UNC5D: variants seen among roughly 807,000 people sequenced by gnomAD.
UNC5D encodes unc-5 netrin receptor D, also known as netrin receptor UNC5D.
UNC5D carries 39 observed loss-of-function variants against 105.4 expected under a neutral mutation model. The observed-to-expected ratio is 0.37, with a 90% confidence interval of 0.29 to 0.48. The LOEUF (loss-of-function observed/expected upper bound fraction) is 0.48. Among genes scored for constraint, UNC5D ranks in the 20% least tolerant of loss-of-function variants. The pLI is 0.98. For synonymous variants in UNC5D, 452 were observed against 450.4 expected (o/e 1.00, Z -0.04); for missense variants, 991 against 1,202.4 (o/e 0.82, Z 2.60).
chr8:35,321,554 T>C lies in UNC5D; in HGVS notation c.103+85667T>C, dbSNP rs149420522. Reference sequence around the variant, plus strand: ...AGTTTCATGAGGCCTTCACCAGCCATGTGGAACTGTGAGTCTATTAAACCT... The same window carrying C: ...AGTTTCATGAGGCCTTCACCAGCCACGTGGAACTGTGAGTCTATTAAACCT... On this transcript the variant is annotated intron_variant, in intron 1 of 16. Transcript: ENST00000404895. 2.7e-3 allele frequency among the ~76,000 whole-genome samples: 413 copies of C among 152,264 alleles called. 1 individual carries two copies. The highest frequency in any genetic ancestry group is 6.8e-3 in the Middle Eastern group (2 of 294).
At chr8:35,484,765 G>A (rs1424483253) in intron 1 of UNC5D, among the ~76,000 whole-genome samples, 4 of 152,030 alleles carry the variant, frequency 2.6e-5, no homozygotes, top group Admixed American at 6.6e-5. Context: ...TACTATCTGC[G>A]GCCGCTATAC....
chr8:35,524,640 C>CAAA (rs113548648), intron 1 of UNC5D, among the ~76,000 whole-genome samples: 3 of 71,128 alleles, frequency 4.2e-5, no homozygotes, highest in African/African-American at 1.1e-4. Flanking sequence ...ATGCCCTGTG[C>CAAA]AAAAAAAAAA....
At chr8:35,582,321 G>C (rs1488794273) in intron 3 of UNC5D, among the ~76,000 whole-genome samples, 1 of 152,192 alleles carries the variant, frequency 6.6e-6, no homozygotes, top group Non-Finnish European at 1.5e-5. Context: ...TGATGCAGTG[G>C]TTGCATCTTT....
Position 35,683,529 on chromosome 8 carries a change from A to T in UNC5D, c.571-18A>T. 1.3e-6 allele frequency: 2 copies of T among 1,555,074 alleles called. No homozygotes were observed. The highest frequency in any genetic ancestry group is 1.7e-6 in the Non-Finnish European group (2 of 1,160,914). ...CTGATTTTTTTAGTGACTTGTAAAC[A>T]TTCCTTTCTTCCTGTAGGTGGAATG... On this transcript the variant is annotated intron_variant, in intron 4 of 16. Transcript: ENST00000404895.
At chr8:35,720,787 T>C (rs946512753) in intron 8 of UNC5D, among the ~76,000 whole-genome samples, 6 of 152,134 alleles carry the variant, frequency 3.9e-5, no homozygotes, top group Admixed American at 1.3e-4. Context: ...GCGGGCACCA[T>C]GCTATTATGG....
At chr8:35,427,182 G>A (rs1806309139) in intron 1 of UNC5D, among the ~76,000 whole-genome samples, 2 of 152,312 alleles carry the variant, frequency 1.3e-5, no homozygotes, top group South Asian at 4.1e-4. Context: ...TGTTAGGTCT[G>A]ACAGGTGAAA....
intron 11 of UNC5D, 134 bp from the exon 12 acceptor site, chr8:35,748,393 C>G (rs1219606926): frequency 1.4e-5 from 13 of 917,826 alleles, no homozygotes; most frequent in Non-Finnish European, 2.0e-5. Context: ...CCAGACCAGT[C>G]CTTTGTAAAA....
At chr8:35,507,256 C>T (rs1294461950) in intron 1 of UNC5D, among the ~76,000 whole-genome samples, 11 of 151,760 alleles carry the variant, frequency 7.2e-5, no homozygotes, top group African/African-American at 2.7e-4. Flanking sequence ...GGGGTTTCAC[C>T]GTTTTAGCCA....
intron 1 of UNC5D, among the ~76,000 whole-genome samples, chr8:35,350,869 T>C (rs1242553332): frequency 6.6e-6 from 1 of 152,076 alleles, no homozygotes; most frequent in Admixed American, 6.6e-5. Flanking sequence ...GCTTGCAGAT[T>C]GTTGCCGTTT....
chr8:35,377,145 A>G (rs1802748880), intron 1 of UNC5D, among the ~76,000 whole-genome samples: 1 of 152,182 alleles, frequency 6.6e-6, no homozygotes. Context: ...CTTGTTGCCT[A>G]GCAAATACTC....
intron 3 of UNC5D, 53 bp from the exon 4 acceptor site, chr8:35,595,501 T>C: frequency 1.3e-6 from 2 of 1,558,588 alleles, no homozygotes; most frequent in South Asian, 2.2e-5. Context: ...GGACCAAATT[T>C]GAATAACACT....
intron 2 of UNC5D, among the ~76,000 whole-genome samples, chr8:35,563,419 A>G (rs1817107596): frequency 6.6e-6 from 1 of 151,498 alleles, no homozygotes; most frequent in Non-Finnish European, 1.5e-5. Context: ...TCTTTTTCAG[A>G]TTATTCATCA....
chr8:35,646,882 G>A (rs1823086696), intron 4 of UNC5D, among the ~76,000 whole-genome samples: 1 of 152,116 alleles, frequency 6.6e-6, no homozygotes, highest in Non-Finnish European at 1.5e-5. Context: ...GGATGTCGCT[G>A]TTGATATACT....
intron 1 of UNC5D, among the ~76,000 whole-genome samples, chr8:35,538,395 T>TTTTATATATATATATA (rs1491227026): frequency 1.2e-5 from 1 of 82,444 alleles, no homozygotes; most frequent in African/African-American, 4.0e-5. Context: ...AAAAAAATAA[T>TTTTATATATATATATA]TATATATATA....
chr8:35,386,152 C>A (rs1038424904), intron 1 of UNC5D, among the ~76,000 whole-genome samples: 1 of 152,160 alleles, frequency 6.6e-6, no homozygotes, highest in Non-Finnish European at 1.5e-5. Flanking sequence ...AAGTTTCTCT[C>A]TTTTCAGTAA....
chr8:35,380,270 C>T (rs6468316), intron 1 of UNC5D, among the ~76,000 whole-genome samples: 79,709 of 150,256 alleles, frequency 0.53, 21,886 homozygotes, highest in East Asian at 0.7. Context: ...GGTCTCTTCA[C>T]GTAAGGTCCT....
chr8:35,463,482 GATCTT>G (rs1360360362), intron 1 of UNC5D, among the ~76,000 whole-genome samples: 5 of 152,268 alleles, frequency 3.3e-5, no homozygotes, highest in African/African-American at 1.2e-4. Flanking sequence ...AGTGCTATGT[GATCTT>G]ACAGAAGTCA....
intron 1 of UNC5D, among the ~76,000 whole-genome samples, chr8:35,450,551 C>T (rs765462505): frequency 2.0e-5 from 3 of 152,046 alleles, no homozygotes; most frequent in Admixed American, 6.6e-5. Context: ...CAGGTATTAT[C>T]GTTGCCTGTA....
chr8:35,321,661 C>T (rs889201888), intron 1 of UNC5D, among the ~76,000 whole-genome samples: 6 of 152,116 alleles, frequency 3.9e-5, no homozygotes, highest in Non-Finnish European at 7.4e-5. Flanking sequence ...TGAGTGCAAC[C>T]AGCAATGGGC....
Sources: allele counts gnomAD v4.1 joint callset (sites outside exome capture counted in the v4.1 genomes callset), GRCh38; gene constraint gnomAD v4.1.1; transcripts MANE v1.5; gene names NCBI Gene and HGNC (gene_info 2026-07-23, HGNC 2026-07-21).